TTC39B: variants seen among roughly 807,000 people sequenced by gnomAD.
TTC39B encodes tetratricopeptide repeat protein 39B.
A neutral mutation model predicts 96.6 loss-of-function variants in TTC39B; 92 were observed. The observed-to-expected ratio is 0.95, with a 90% CI of 0.80 to 1.13. The LOEUF is 1.13. Ranked by LOEUF, TTC39B falls within the 50% of genes most tolerant of loss-of-function variation. The pLI is 0.00. For missense variants in TTC39B, 955 were observed against 809.3 expected (o/e 1.18, Z -2.18); for synonymous variants, 367 against 299.4 (o/e 1.23, Z -2.33).
chr9:15,183,877 TCA>T (rs1818379814), intron 16 of TTC39B, among the ~76,000 whole-genome samples: 1 of 152,194 alleles, frequency 6.6e-6, no homozygotes, highest in Admixed American at 6.5e-5. Flanking sequence ...TCTTGCTCCG[TCA>T]CAGTCACAGA....
rs373883405 is a variant in TTC39B at position 15,177,962 on chromosome 9, C to T, written c.1724-148G>A. On this transcript the variant is annotated intron_variant, in intron 17 of 19. Coordinates refer to ENST00000512701, the Ensembl canonical transcript of TTC39B. Reference sequence around the variant, plus strand: ...TCGGCTCACTGCAAGCTCCGTCTCCCGGGTTCACGCCATTCTCCTGCCTCA... The same window carrying T: ...TCGGCTCACTGCAAGCTCCGTCTCCTGGGTTCACGCCATTCTCCTGCCTCA... 2.6e-3 allele frequency: 1,211 copies of T among 461,894 alleles called. 14 individuals are homozygous for T. Among genetic ancestry groups the T allele is most frequent in the African/African-American group, 0.021 (1,008 of 48,856 alleles). 28.6% of individuals were successfully genotyped at this position (461,894 alleles called of 1,614,324 possible).
At chr9:15,218,328 G>C (rs1820641104) in intron 3 of TTC39B, among the ~76,000 whole-genome samples, 2 of 152,112 alleles carry the variant, frequency 1.3e-5, no homozygotes, top group Admixed American at 6.5e-5. Context: ...CCTTCACAAT[G>C]TCCCTTAACT....
At chr9:15,241,304 A>C (rs1366495146) in intron 2 of TTC39B, among the ~76,000 whole-genome samples, 2 of 152,172 alleles carry the variant, frequency 1.3e-5, no homozygotes, top group African/African-American at 4.8e-5. Context: ...TAAAAAAAAA[A>C]AAACTCTGCA....
intron 4 of TTC39B, among the ~76,000 whole-genome samples, chr9:15,213,229 G>C (rs73646012): frequency 2.0e-5 from 3 of 152,090 alleles, no homozygotes; most frequent in Non-Finnish European, 4.4e-5. Context: ...AGAAGTCTGA[G>C]GGACAGAGGA....
intron 1 of TTC39B, among the ~76,000 whole-genome samples, chr9:15,276,961 A>C (rs1459039478): frequency 6.6e-6 from 1 of 152,222 alleles, no homozygotes; most frequent in African/African-American, 2.4e-5. Context: ...CTTCCTCAAC[A>C]ACTCTTTTTC....
chr9:15,287,959 A>T (rs1055817847), intron 1 of TTC39B, among the ~76,000 whole-genome samples: 14 of 139,298 alleles, frequency 1.0e-4, no homozygotes, highest in African/African-American at 3.8e-4. Flanking sequence ...AAAAAAAAAA[A>T]AAAAAAAAAA....
chr9:15,285,145 G>C (rs1219682306), intron 1 of TTC39B, among the ~76,000 whole-genome samples: 1 of 151,954 alleles, frequency 6.6e-6, no homozygotes, highest in Non-Finnish European at 1.5e-5. Flanking sequence ...GGCGCCTGTA[G>C]TCCCAGCTAC....
intron 2 of TTC39B, among the ~76,000 whole-genome samples, chr9:15,238,012 C>T (rs907627764): frequency 1.3e-5 from 2 of 152,044 alleles, no homozygotes; most frequent in African/African-American, 2.4e-5. Flanking sequence ...AAAACAAAAA[C>T]CGTATGATTA....
chr9:15,294,789 T>C (rs896492476), intron 1 of TTC39B, among the ~76,000 whole-genome samples: 9 of 152,348 alleles, frequency 5.9e-5, no homozygotes, highest in Middle Eastern at 3.4e-3. Flanking sequence ...CTTTACACAA[T>C]GCCTGTGAGC....
intron 2 of TTC39B, among the ~76,000 whole-genome samples, chr9:15,255,383 G>C (rs965603964): frequency 6.6e-6 from 1 of 151,990 alleles, no homozygotes; most frequent in African/African-American, 2.4e-5. Context: ...TGTTCCACAA[G>C]CAGAGACAAA....
intron 3 of TTC39B, among the ~76,000 whole-genome samples, chr9:15,214,639 G>C (rs1352774501): frequency 6.6e-6 from 1 of 152,112 alleles, no homozygotes; most frequent in Non-Finnish European, 1.5e-5. Flanking sequence ...TAGTTTTCCT[G>C]AATTTGCATA....
At chr9:15,278,243 T>C (rs1823622045) in intron 1 of TTC39B, among the ~76,000 whole-genome samples, 1 of 152,136 alleles carries the variant, frequency 6.6e-6, no homozygotes, top group South Asian at 2.1e-4. Context: ...ATTGAACAAA[T>C]ACTTTAAGTT....
At chr9:15,279,218 G>A (rs1389137791) in intron 1 of TTC39B, among the ~76,000 whole-genome samples, 1 of 152,158 alleles carries the variant, frequency 6.6e-6, no homozygotes, top group Non-Finnish European at 1.5e-5. Flanking sequence ...GAAACCTCCT[G>A]CATGATCTTG....
intron 2 of TTC39B, among the ~76,000 whole-genome samples, chr9:15,232,762 G>A (rs1478351835): frequency 1.3e-5 from 2 of 152,188 alleles, no homozygotes; most frequent in African/African-American, 4.8e-5. Context: ...AGGGGAGGTT[G>A]GGCCCTCGAA....
At chr9:15,211,435 A>G (rs1419110439) in intron 4 of TTC39B, 38 bp from the exon 5 acceptor site, 9 of 1,425,564 alleles carry the variant, frequency 6.3e-6, no homozygotes, top group Admixed American at 2.7e-5. Context: ...TTTTAATTCA[A>G]TGGAAATACT....
At chr9:15,214,093 G>T in intron 4 of TTC39B, 46 bp downstream of exon 4, 1 of 1,400,362 alleles carries the variant, frequency 7.1e-7, no homozygotes, top group Non-Finnish European at 1.0e-6. Flanking sequence ...AGAATCATCA[G>T]AAACATCTGA....
chr9:15,269,923 C>T (rs938155142), intron 1 of TTC39B, among the ~76,000 whole-genome samples: 9 of 151,592 alleles, frequency 5.9e-5, no homozygotes, highest in East Asian at 5.8e-4. Context: ...AATCCCAACA[C>T]TTTGGGAGGC....
chr9:15,288,057 A>C (rs561604974), intron 1 of TTC39B, among the ~76,000 whole-genome samples: 18 of 152,238 alleles, frequency 1.2e-4, no homozygotes, highest in African/African-American at 3.6e-4. Flanking sequence ...ATGGAACCCG[A>C]CACCTTAATA....
At chr9:15,246,357 C>A (rs1822276381) in intron 2 of TTC39B, among the ~76,000 whole-genome samples, 1 of 151,464 alleles carries the variant, frequency 6.6e-6, no homozygotes, top group African/African-American at 2.4e-5. Flanking sequence ...GGTGAGGAGA[C>A]TCACCTTAAC....
Sources: allele counts gnomAD v4.1 joint callset (sites outside exome capture counted in the v4.1 genomes callset), GRCh38; gene constraint gnomAD v4.1.1; transcripts MANE v1.5; gene names NCBI Gene and HGNC (gene_info 2026-07-23, HGNC 2026-07-21).